KIF18A: variants seen among roughly 807,000 people sequenced by gnomAD.
KIF18A encodes kinesin family member 18A, also known as kinesin-like protein KIF18A.
Under a neutral mutation model 103.3 loss-of-function variants are expected in KIF18A, and 67 were observed. The ratio of observed to expected loss-of-function variants is 0.65; its 90% CI spans 0.53 to 0.79. The LOEUF (loss-of-function observed/expected upper bound fraction) is 0.79. KIF18A is among the 30% of genes least tolerant of loss of function. The probability of loss-of-function intolerance (pLI) is 0.00; values close to 1 mark genes in which losing one functional copy is unlikely to be tolerated. For missense variants in KIF18A, 1,032 were observed against 1,062.5 expected (o/e 0.97, Z 0.40); for synonymous variants, 367 against 355.5 (o/e 1.03, Z -0.36).
intron 10 of KIF18A, among the ~76,000 whole-genome samples, chr11:28,074,920 T>C (rs1307342554): frequency 1.3e-5 from 2 of 152,104 alleles, no homozygotes; most frequent in East Asian, 1.9e-4. Flanking sequence ...CCAATGAATA[T>C]CGAAACTGGG....
At chr11:28,069,097 G>C (rs927312399) in intron 11 of KIF18A, among the ~76,000 whole-genome samples, 162 bp downstream of exon 11, 1 of 152,086 alleles carries the variant, frequency 6.6e-6, no homozygotes, top group African/African-American at 2.4e-5. Flanking sequence ...CCTTATAAAA[G>C]GATGCAATCA....
At chr11:28,067,669 A>T (rs1477945105) in intron 11 of KIF18A, among the ~76,000 whole-genome samples, 1 of 152,168 alleles carries the variant, frequency 6.6e-6, no homozygotes, top group Non-Finnish European at 1.5e-5. Context: ...CCTTTCTAGG[A>T]ATTCAAAGAT....
chr11:28,094,380 G>A (rs1263247260), intron 3 of KIF18A, among the ~76,000 whole-genome samples: 1 of 151,852 alleles, frequency 6.6e-6, no homozygotes, highest in African/African-American at 2.4e-5. Context: ...AGCAAATGCA[G>A]TAAAATGCTA....
At chr11:28,055,837 C>T (rs1468218118) in intron 13 of KIF18A, among the ~76,000 whole-genome samples, 1 of 152,094 alleles carries the variant, frequency 6.6e-6, no homozygotes, top group Non-Finnish European at 1.5e-5. Context: ...AGACCACATG[C>T]AAGAAAATCA....
rs61888963 is a variant in KIF18A at position 28,037,711 on chromosome 11, G to T, written c.1949-1047C>A. ...AAAGATAAATGAAATAATTCAGAGA[G>T]TTCAGAGTACTTTCACCCTCATCAC... On this transcript the variant is annotated intron_variant, in intron 13 of 16. Transcript: ENST00000263181. Among the ~76,000 whole-genome samples the T allele has an allele frequency of 4.1e-3, 619 of 151,664 alleles. 3 individuals are homozygous for T. The highest frequency in any genetic ancestry group is 5.7e-3 in the Non-Finnish European group (383 of 67,692).
At chr11:28,078,849 T>C (rs889644874) in intron 9 of KIF18A, among the ~76,000 whole-genome samples, 1 of 152,032 alleles carries the variant, frequency 6.6e-6, no homozygotes, top group Non-Finnish European at 1.5e-5. Flanking sequence ...CTTTGAAAAT[T>C]CATGGCATTA....
chr11:28,074,022 T>C (rs1296928813), intron 10 of KIF18A, among the ~76,000 whole-genome samples: 2 of 152,124 alleles, frequency 1.3e-5, no homozygotes, highest in Non-Finnish European at 1.5e-5. Context: ...TGAAGATTAC[T>C]ATGTAATATA....
intron 1 of KIF18A, among the ~76,000 whole-genome samples, chr11:28,099,107 T>C (rs1325443660): frequency 1.3e-5 from 2 of 152,108 alleles, no homozygotes; most frequent in African/African-American, 2.4e-5. Context: ...AACAGATAAA[T>C]AGATCGAAAA....
At chr11:28,058,874 G>C (rs550625117) in intron 13 of KIF18A, 52 bp downstream of exon 13, 33 of 1,347,184 alleles carry the variant, frequency 2.4e-5, no homozygotes, top group Non-Finnish European at 3.5e-5. Context: ...ATATACAAAG[G>C]TTCTCTTTAG....
chr11:28,047,010 T>C (rs1023304149), intron 13 of KIF18A, among the ~76,000 whole-genome samples: 7 of 130,846 alleles, frequency 5.3e-5, no homozygotes, highest in African/African-American at 2.0e-4. Context: ...GCCTAGGTCA[T>C]GCCATTGCAG....
intron 1 of KIF18A, among the ~76,000 whole-genome samples, chr11:28,105,351 A>G (rs1851490673): frequency 6.6e-6 from 1 of 152,206 alleles, no homozygotes; most frequent in Admixed American, 6.5e-5. Flanking sequence ...ATGTAAATAT[A>G]TAACCCTCAG....
intron 3 of KIF18A, among the ~76,000 whole-genome samples, chr11:28,092,406 A>C (rs1851318531): frequency 1.3e-5 from 2 of 152,174 alleles, no homozygotes; most frequent in Admixed American, 1.3e-4. Context: ...TAAGACTCTG[A>C]GAGGTTAAAT....
At chr11:28,061,674 C>T (rs78527801) in intron 12 of KIF18A, among the ~76,000 whole-genome samples, 1 of 152,080 alleles carries the variant, frequency 6.6e-6, no homozygotes, top group East Asian at 1.9e-4. Context: ...AAAAGCTATA[C>T]TAATATGATT....
chr11:28,095,025 C>T (rs1171741311), intron 2 of KIF18A, among the ~76,000 whole-genome samples: 1 of 152,176 alleles, frequency 6.6e-6, no homozygotes, highest in Non-Finnish European at 1.5e-5. Context: ...CGGCCCCCCA[C>T]TCTAACAACT....
At chr11:28,073,824 A>G (rs1851055594) in intron 10 of KIF18A, among the ~76,000 whole-genome samples, 1 of 152,156 alleles carries the variant, frequency 6.6e-6, no homozygotes, top group African/African-American at 2.4e-5. Context: ...CATTGTGTCA[A>G]GCACAAGGGT....
intron 13 of KIF18A, among the ~76,000 whole-genome samples, chr11:28,049,350 CCT>C (rs1440990610): frequency 1.3e-5 from 2 of 151,864 alleles, no homozygotes; most frequent in East Asian, 3.9e-4. Flanking sequence ...GTTTAAAATC[CCT>C]CTCTTAAAAA....
At chr11:28,072,612 A>AG (rs1851034530) in intron 10 of KIF18A, among the ~76,000 whole-genome samples, 4 of 152,132 alleles carry the variant, frequency 2.6e-5, no homozygotes. Flanking sequence ...CCAATAACTC[A>AG]AGAGTTTTTA....
At chr11:28,071,192 A>G (rs1405481874) in intron 10 of KIF18A, among the ~76,000 whole-genome samples, 2 of 152,198 alleles carry the variant, frequency 1.3e-5, no homozygotes, top group Non-Finnish European at 2.9e-5. Context: ...CATTTTTATA[A>G]TATCAGGAAA....
Position 28,099,580 on chromosome 11 carries a change from AT to A in KIF18A, c.-46-1588del, listed in dbSNP as rs562161433. ...TACATTGTATCCTATAAACTTACAC[AT>A]TTTTTTTGTCATTTGTAAGTTAAAA... On this transcript the variant is annotated intron_variant, in intron 1 of 16. Transcript: ENST00000263181. Among the ~76,000 whole-genome samples, 675 of 152,128 alleles carry A rather than the reference AT, an allele frequency of 4.4e-3. 6 individuals are homozygous for A. Among genetic ancestry groups the A allele is most frequent in the African/African-American group, 0.014 (580 of 41,508 alleles).
Sources: gnomAD v4.1 joint callset for allele counts (sites outside exome capture counted in the v4.1 genomes callset) on GRCh38, gnomAD v4.1.1 for gene constraint, MANE v1.5 for transcripts, NCBI Gene and HGNC (gene_info 2026-07-23, HGNC 2026-07-21) for gene names.